Variants in NAV3 observed in about 807,000 individuals in gnomAD.
The protein encoded by NAV3 is neuron navigator 3.
NAV3 carries 87 observed loss-of-function variants against 244.7 expected under a neutral mutation model. The observed-to-expected ratio is 0.36, with a 90% CI of 0.30 to 0.42. NAV3 has a LOEUF of 0.42. Among genes scored for constraint, NAV3 ranks in the 20% least tolerant of loss-of-function variants. The pLI is 1.00. For synonymous variants in NAV3, 1,126 were observed against 1,042.2 expected (o/e 1.08, Z -1.55); for missense variants, 2,663 against 2,893.3 (o/e 0.92, Z 1.83).
intron 21 of NAV3, 22 bp downstream of exon 21, chr12:78,146,414 T>A (rs765443110): frequency 9.8e-7 from 1 of 1,020,840 alleles, no homozygotes; most frequent in South Asian, 2.1e-5. Context: ...ATATGCAATA[T>A]TTTAATATTT....
At chr12:77,910,047 A>G (rs1886417040) in intron 1 of NAV3, among the ~76,000 whole-genome samples, 1 of 152,148 alleles carries the variant, frequency 6.6e-6, no homozygotes, top group Non-Finnish European at 1.5e-5. Context: ...CTCAAGGCAT[A>G]CTTAAAATAT....
At chr12:77,934,863 C>T (rs1889176309) in intron 1 of NAV3, among the ~76,000 whole-genome samples, 4 of 152,130 alleles carry the variant, frequency 2.6e-5, no homozygotes, top group Admixed American at 2.0e-4. Flanking sequence ...TTAAAATTAG[C>T]TCAGCTAATA....
At chr12:77,849,842 G>A (rs1877231287) in intron 1 of NAV3, among the ~76,000 whole-genome samples, 1 of 152,104 alleles carries the variant, frequency 6.6e-6, no homozygotes, top group East Asian at 1.9e-4. Flanking sequence ...TGGTGGTCAC[G>A]TGTGTCTCCA....
intron 2 of NAV3, among the ~76,000 whole-genome samples, chr12:77,798,666 T>C (rs1871549994): frequency 6.6e-6 from 1 of 152,156 alleles, no homozygotes; most frequent in African/African-American, 2.4e-5. Flanking sequence ...TTATAACAAA[T>C]GCTATAATTA....
At chr12:77,689,797 A>T (rs1380185104) in intron 2 of NAV3, among the ~76,000 whole-genome samples, 1 of 151,932 alleles carries the variant, frequency 6.6e-6, no homozygotes, top group Non-Finnish European at 1.5e-5. Flanking sequence ...AACATTTTAC[A>T]TAATGCATAT....
intron 2 of NAV3, among the ~76,000 whole-genome samples, chr12:77,656,671 C>A (rs1387139441): frequency 1.4e-5 from 2 of 144,924 alleles, no homozygotes; most frequent in Non-Finnish European, 3.0e-5. Context: ...TTCAGCACCC[C>A]ACCACACCTA....
intron 12 of NAV3, among the ~76,000 whole-genome samples, chr12:78,070,111 C>T (rs1952681051): frequency 6.6e-6 from 1 of 152,048 alleles, no homozygotes. Context: ...TTTACTCTAA[C>T]GTCAGACACG....
rs1202248307 is a variant in NAV3, at chr12:78,128,770, A to G, written c.4345A>G (p.Thr1449Ala). ...EGKEWLRSHS[T>A]GGLQDTGNQS... ...CAAAGAGTGGTTGCGTTCTCATTCT[A>G]CTGGAGGGCTTCAGGACACTGGCAA... Residue 1449 changes from threonine (T) to alanine (A), a missense_variant, in exon 18 of 40, where the codon ACT (threonine) becomes GCT (alanine). This residue lies in a region of NAV3 where 354 missense variants were observed against 413.0 expected (regional missense o/e 0.86). Transcript: ENST00000397909. The G allele has an allele frequency of 3.7e-6, 6 of 1,613,996 alleles. No individual in the cohort carries two copies. The highest frequency in any genetic ancestry group is 1.7e-5 in the Admixed American group (1 of 59,984).
At position 78,210,520 on chromosome 12, in the gene NAV3, G is replaced by T; in HGVS notation, c.*3G>T. 5 of 1,607,212 alleles carry T rather than the reference G, an allele frequency of 3.1e-6. No individual in the cohort carries two copies. Among genetic ancestry groups the T allele is most frequent in the Non-Finnish European group, 4.2e-6 (5 of 1,177,914 alleles). ...CATCTCTTGAATCTACCCTCTAGAG[G>T]GTGAAAAAAGTTAAGGGAAAAGACT... is the stretch of plus-strand genomic sequence containing the variant. On this transcript the variant is annotated 3_prime_UTR_variant, in exon 40 of 40. Transcript: ENST00000397909.
At chr12:78,168,134 A>G (rs912249189) in intron 23 of NAV3, among the ~76,000 whole-genome samples, 1 of 151,694 alleles carries the variant, frequency 6.6e-6, no homozygotes. Context: ...TGGCTTGGTG[A>G]GACTAGGTCT....
At chr12:78,132,521 A>G (rs1956209137) in intron 18 of NAV3, among the ~76,000 whole-genome samples, 1 of 152,106 alleles carries the variant, frequency 6.6e-6, no homozygotes, top group Non-Finnish European at 1.5e-5. Context: ...TCATCTTAAC[A>G]TAGCTGTATC....
chr12:77,997,226 A>G (rs1428089528), intron 6 of NAV3, among the ~76,000 whole-genome samples: 1 of 117,458 alleles, frequency 8.5e-6, no homozygotes, highest in Non-Finnish European at 1.7e-5. Context: ...CGACAGAGTG[A>G]CACCCTGTCT....
At chr12:77,931,244 CAT>C (rs1214990993) in intron 1 of NAV3, among the ~76,000 whole-genome samples, 1 of 152,052 alleles carries the variant, frequency 6.6e-6, no homozygotes, top group Admixed American at 6.6e-5. Flanking sequence ...AAAAGTCAAT[CAT>C]ATTTTTAATT....
In NAV3 at chr12:78,007,071, G is replaced by T. The variant is rs750238403; in HGVS notation, c.1533G>T (p.Lys511Asn). 1.2e-6 allele frequency: 2 copies of T among 1,614,192 alleles called. No individual in the cohort carries two copies. The highest frequency in any genetic ancestry group is 1.7e-6 in the Non-Finnish European group (2 of 1,180,046). ...CAAGCTTGATCCCTAAGGGCAGCAA[G>T]ACAACAGCAGCTAAGAAGGAAAGCT... is the stretch of plus-strand genomic sequence containing the variant. ...KIASLIPKGSKTTAAKKESLI... is the reference protein window; with the variant it reads ...KIASLIPKGSNTTAAKKESLI... The change falls in exon 8 of 40, where the codon AAG becomes AAT. Residue 511 changes from lysine to asparagine, a missense_variant. Coordinates refer to ENST00000397909, the MANE Select transcript of NAV3 (RefSeq NM_001024383.2).
At chr12:77,809,247 G>A (rs187184373) in intron 2 of NAV3, among the ~76,000 whole-genome samples, 12 of 152,316 alleles carry the variant, frequency 7.9e-5, no homozygotes, top group South Asian at 2.1e-4. Context: ...CTAGCTCGGC[G>A]TCTGCCCAAA....
intron 11 of NAV3, among the ~76,000 whole-genome samples, chr12:78,054,158 T>C (rs1883155037): frequency 6.6e-6 from 1 of 151,798 alleles, no homozygotes; most frequent in Non-Finnish European, 1.5e-5. Context: ...ATTTTAGTTA[T>C]TTTTTCTGAT....
At chr12:78,160,613 T>C (rs1490187967) in intron 23 of NAV3, among the ~76,000 whole-genome samples, 2 of 152,144 alleles carry the variant, frequency 1.3e-5, no homozygotes, top group East Asian at 3.9e-4. Flanking sequence ...GTAGTATGTA[T>C]TACCAAATTT....
At chr12:78,071,855 C>T (rs1388763440) in intron 12 of NAV3, among the ~76,000 whole-genome samples, 3 of 152,158 alleles carry the variant, frequency 2.0e-5, no homozygotes, top group Non-Finnish European at 4.4e-5. Flanking sequence ...ACAGTTCAAT[C>T]AAACTAGAAC....
At chr12:78,109,583 A>G (rs1954982301) in intron 12 of NAV3, among the ~76,000 whole-genome samples, 1 of 152,066 alleles carries the variant, frequency 6.6e-6, no homozygotes, top group Non-Finnish European at 1.5e-5. Context: ...ACAGCACATC[A>G]AAAAAATAAT....
Sources: allele counts gnomAD v4.1 joint callset (sites outside exome capture counted in the v4.1 genomes callset), GRCh38; gene constraint gnomAD v4.1.1; regional missense constraint gnomAD v4.1.1; transcripts MANE v1.5; gene names NCBI Gene and HGNC (gene_info 2026-07-23, HGNC 2026-07-21).